Variants in PTPRK observed in about 807,000 individuals in gnomAD.
The protein encoded by PTPRK is protein tyrosine phosphatase receptor type K.
In PTPRK, 75 loss-of-function variants were observed where a neutral mutation model predicts 178.0. The ratio of observed to expected loss-of-function variants is 0.42; its 90% CI spans 0.35 to 0.51. PTPRK has a LOEUF of 0.51. Among genes scored for constraint, PTPRK ranks in the 20% least tolerant of loss-of-function variants. The pLI is 0.02. For synonymous variants in PTPRK, 637 were observed against 620.6 expected (o/e 1.03, Z -0.39); for missense variants, 1,441 against 1,797.8 (o/e 0.80, Z 3.59).
At chr6:127,995,606 A>G in intron 17 of PTPRK, 68 bp from the exon 18 acceptor site, 3 of 942,090 alleles carry the variant, frequency 3.2e-6, no homozygotes, top group Non-Finnish European at 4.8e-6. Context: ...TGTCATTGGT[A>G]GAGACTAAAG....
chr6:128,390,294 CAAGT>C (rs1839375471), intron 2 of PTPRK, among the ~76,000 whole-genome samples: 1 of 152,064 alleles, frequency 6.6e-6, no homozygotes, highest in African/African-American at 2.4e-5. Flanking sequence ...AGACACGCAG[CAAGT>C]GTTTATCAAA....
intron 1 of PTPRK, chr6:128,500,830 T>C (rs1855455746): frequency 6.6e-6 from 1 of 152,192 alleles, no homozygotes; most frequent in Non-Finnish European, 1.5e-5. Flanking sequence ...TTGCCCGGGC[T>C]AAGTGCAGTG....
chr6:128,361,668 C>G (rs1326632248), intron 2 of PTPRK, among the ~76,000 whole-genome samples: 1 of 152,030 alleles, frequency 6.6e-6, no homozygotes, highest in African/African-American at 2.4e-5. Context: ...GTACTGAATA[C>G]TGTAGGCAGC....
chr6:128,444,623 G>A (rs1361284556), intron 1 of PTPRK, among the ~76,000 whole-genome samples: 1 of 152,134 alleles, frequency 6.6e-6, no homozygotes, highest in Non-Finnish European at 1.5e-5. Flanking sequence ...GGTCAGGACT[G>A]GAGTAACAAA....
At chr6:128,104,037 T>C (rs1283051324) in intron 7 of PTPRK, among the ~76,000 whole-genome samples, 1 of 152,196 alleles carries the variant, frequency 6.6e-6, no homozygotes, top group African/African-American at 2.4e-5. Context: ...TACCTGCTTT[T>C]CTCTCTGCCT....
intron 24 of PTPRK, among the ~76,000 whole-genome samples, chr6:127,982,220 G>C (rs1227914718): frequency 6.6e-6 from 1 of 152,012 alleles, no homozygotes; most frequent in Admixed American, 6.6e-5. Flanking sequence ...TGAAAAAAAG[G>C]CTATAAATAC....
At chr6:128,247,088 T>C (rs1233269495) in intron 3 of PTPRK, among the ~76,000 whole-genome samples, 1 of 152,184 alleles carries the variant, frequency 6.6e-6, no homozygotes, top group Non-Finnish European at 1.5e-5. Context: ...TATTAATATT[T>C]AACTCGGGTC....
chr6:128,451,146 T>G (rs929654022), intron 1 of PTPRK, among the ~76,000 whole-genome samples: 5 of 152,182 alleles, frequency 3.3e-5, no homozygotes, highest in African/African-American at 1.2e-4. Flanking sequence ...GCTTTCCAAC[T>G]CTTAAAATAC....
chr6:128,344,461 T>C (rs1404505475), intron 2 of PTPRK, among the ~76,000 whole-genome samples: 2 of 152,184 alleles, frequency 1.3e-5, no homozygotes, highest in Non-Finnish European at 2.9e-5. Context: ...TCAGGCTGTA[T>C]GCAGCCTGAT....
chr6:128,133,780 T>C (rs990673004), intron 7 of PTPRK, among the ~76,000 whole-genome samples: 4 of 152,012 alleles, frequency 2.6e-5, no homozygotes, highest in Non-Finnish European at 5.9e-5. Flanking sequence ...CTCGAACTCT[T>C]GGGCTCAAGT....
intron 6 of PTPRK, among the ~76,000 whole-genome samples, chr6:128,187,273 A>T: frequency 6.6e-6 from 1 of 152,132 alleles, no homozygotes; most frequent in East Asian, 1.9e-4. Flanking sequence ...CAAGTGAAAG[A>T]AAGAAGAGAA....
chr6:128,364,325 A>T (rs1411850179), intron 2 of PTPRK, among the ~76,000 whole-genome samples: 1 of 152,042 alleles, frequency 6.6e-6, no homozygotes, highest in African/African-American at 2.4e-5. Flanking sequence ...AGCAAACGGC[A>T]TTCAAACAAT....
At chr6:128,251,345 A>G (rs1467216688) in intron 3 of PTPRK, among the ~76,000 whole-genome samples, 2 of 152,164 alleles carry the variant, frequency 1.3e-5, no homozygotes, top group East Asian at 1.9e-4. Context: ...ATGGAAGGCA[A>G]TTAAGACATA....
At chr6:128,342,734 G>A (rs574599268) in intron 2 of PTPRK, among the ~76,000 whole-genome samples, 27 of 152,074 alleles carry the variant, frequency 1.8e-4, no homozygotes, top group Non-Finnish European at 2.8e-4. Context: ...TAAAATGGTA[G>A]AGCCAAGGGA....
At chr6:128,308,680 C>T (rs1276291469) in intron 3 of PTPRK, among the ~76,000 whole-genome samples, 1 of 152,002 alleles carries the variant, frequency 6.6e-6, no homozygotes, top group South Asian at 2.1e-4. Flanking sequence ...GAATAGCAAC[C>T]AAGTTACAAG....
intron 1 of PTPRK, among the ~76,000 whole-genome samples, 163 bp downstream of exon 1, chr6:128,520,096 T>A (rs751524782): frequency 6.6e-6 from 1 of 152,112 alleles, no homozygotes. Context: ...GCGTCCCACC[T>A]GGCACGAACT....
intron 7 of PTPRK, among the ~76,000 whole-genome samples, chr6:128,162,013 A>G (rs961302258): frequency 2.6e-5 from 4 of 151,648 alleles, no homozygotes; most frequent in African/African-American, 7.2e-5. Context: ...TGAAACTCAT[A>G]TAACAGACCA....
At chr6:128,321,539 A>C in intron 3 of PTPRK, 3 of 396,800 alleles carry the variant, frequency 7.6e-6, no homozygotes, top group Non-Finnish European at 1.3e-5. Context: ...TAATTAATCA[A>C]AATTAAAATA....
At chr6:128,366,527 T>C (rs1835511815) in intron 2 of PTPRK, among the ~76,000 whole-genome samples, 1 of 152,110 alleles carries the variant, frequency 6.6e-6, no homozygotes, top group Admixed American at 6.6e-5. Context: ...GGGTTACACA[T>C]CTCAGACATG....
Sources: allele counts gnomAD v4.1 joint callset (sites outside exome capture counted in the v4.1 genomes callset), GRCh38; gene constraint gnomAD v4.1.1; transcripts MANE v1.5; gene names NCBI Gene and HGNC (gene_info 2026-07-23, HGNC 2026-07-21).